ANKRD36: variants seen among roughly 807,000 people sequenced by gnomAD.
The protein encoded by ANKRD36 is ankyrin repeat domain 36.
In ANKRD36, 179 loss-of-function variants were observed where a neutral mutation model predicts 278.1. The observed-to-expected ratio is 0.64, with a 90% CI of 0.57 to 0.73. The LOEUF (loss-of-function observed/expected upper bound fraction) is 0.73. Among genes scored for constraint, ANKRD36 ranks in the 30% least tolerant of loss-of-function variants. The pLI, the probability that ANKRD36 is intolerant of heterozygous loss-of-function variation, is 0.00. For missense variants in ANKRD36, 1,159 were observed against 1,956.7 expected (o/e 0.59, Z 7.69); for synonymous variants, 320 against 641.1 (o/e 0.50, Z 7.57).
In ANKRD36 at chr2:97,154,911, AT is replaced by A. The variant is rs1225156215; in HGVS notation, c.1260+179del. On this transcript the variant is annotated intron_variant, in intron 15 of 75. Coordinates refer to ENST00000420699, the MANE Select transcript of ANKRD36 (RefSeq NM_001354587.1). ...AAAGAAATAGGGGGGGTTAATTTTA[AT>A]TTTTTTTTACTTTGCAAATAAGAAA... 4.7e-4 allele frequency among the ~76,000 whole-genome samples: 67 copies of A among 143,242 alleles called. 2 individuals carry two copies. The highest frequency in any genetic ancestry group is 1.6e-3 in the African/African-American group (63 of 40,630). 94.0% of individuals were successfully genotyped at this position (143,242 alleles called of 152,430 possible). A position where few individuals can be genotyped will look rare whatever the true frequency, so the allele number is the denominator to read the frequency against.
At chr2:97,232,194 G>A (rs1376153264) in intron 67 of ANKRD36, among the ~76,000 whole-genome samples, 1 of 151,852 alleles carries the variant, frequency 6.6e-6, no homozygotes, top group Non-Finnish European at 1.5e-5. Context: ...ATTATTTAAA[G>A]ATAAAGTTAT....
chr2:97,195,414 A>T (rs2059489949), intron 40 of ANKRD36, among the ~76,000 whole-genome samples: 1 of 151,992 alleles, frequency 6.6e-6, no homozygotes, highest in Admixed American at 6.6e-5. Context: ...AGTCATTTAT[A>T]TAATTTTGGG....
chr2:97,229,764 A>C (rs1409761041), intron 67 of ANKRD36, among the ~76,000 whole-genome samples: 1 of 152,074 alleles, frequency 6.6e-6, no homozygotes, highest in African/African-American at 2.4e-5. Context: ...ATGATTTTGC[A>C]GTGGCTGGTA....
At chr2:97,248,849 A>AGT (rs1208965011) in intron 72 of ANKRD36, 125 of 494,850 alleles carry the variant, frequency 2.5e-4, no homozygotes, top group Middle Eastern at 1.7e-3. Context: ...AGGGCCAGAT[A>AGT]GTGTTATGTA....
chr2:97,212,040 C>G (rs1291825935), intron 58 of ANKRD36, among the ~76,000 whole-genome samples: 1 of 151,796 alleles, frequency 6.6e-6, no homozygotes, highest in Non-Finnish European at 1.5e-5. Flanking sequence ...CAGCATGTTT[C>G]CATCAAGAGG....
chr2:97,168,427 A>G (rs968248838), intron 22 of ANKRD36, among the ~76,000 whole-genome samples: 6 of 152,416 alleles, frequency 3.9e-5, no homozygotes, highest in African/African-American at 1.2e-4. Context: ...CATTGCCTAC[A>G]GGTAACCAAC....
At chr2:97,127,905 G>C (rs2039041067) in intron 6 of ANKRD36, among the ~76,000 whole-genome samples, 1 of 151,964 alleles carries the variant, frequency 6.6e-6, no homozygotes, top group Admixed American at 6.6e-5. Context: ...AAGAGGCCAT[G>C]TTGATCTAGG....
intron 6 of ANKRD36, among the ~76,000 whole-genome samples, chr2:97,139,740 C>G (rs2042394637): frequency 1.3e-5 from 2 of 152,048 alleles, no homozygotes; most frequent in Non-Finnish European, 2.9e-5. Flanking sequence ...AACTGTTTCC[C>G]CCTTAAAGCA....
At chr2:97,260,742 T>C (rs1317391250) in intron 75 of ANKRD36, among the ~76,000 whole-genome samples, 1 of 110,782 alleles carries the variant, frequency 9.0e-6, no homozygotes, top group Non-Finnish European at 1.7e-5. Context: ...TCCAGTATAA[T>C]GCTGTTTTGT....
At chr2:97,170,687 A>C (rs1434509861) in intron 22 of ANKRD36, among the ~76,000 whole-genome samples, 18 of 151,832 alleles carry the variant, frequency 1.2e-4, no homozygotes, top group South Asian at 4.2e-4. Flanking sequence ...GCAACAAAAG[A>C]CAAAATTGAC....
chr2:97,220,756 A>ATTTTTTTTTTT (rs1229484526), intron 66 of ANKRD36, among the ~76,000 whole-genome samples: 2 of 66,250 alleles, frequency 3.0e-5, no homozygotes, highest in African/African-American at 1.0e-4. Context: ...TTAATTTTTA[A>ATTTTTTTTTTT]TTTTCTTTTT....
intron 50 of ANKRD36, among the ~76,000 whole-genome samples, chr2:97,205,230 A>G (rs1364848645): frequency 6.6e-6 from 1 of 151,612 alleles, no homozygotes; most frequent in African/African-American, 2.4e-5. Flanking sequence ...ATATGTCAAA[A>G]TTGATAATTG....
rs2061544800 is a variant in ANKRD36, at chr2:97,202,128, T to A, written c.2858-74T>A. The A allele has an allele frequency of 3.8e-6, 6 of 1,596,110 alleles. No individual in the cohort carries two copies. The Admixed American group carries it at 1.0e-4, about 28-fold the overall frequency. On this transcript the variant is annotated intron_variant, in intron 46 of 75. Coordinates refer to ENST00000420699, the MANE Select transcript of ANKRD36 (RefSeq NM_001354587.1). ...CAGGCAGGAGGACAGAGGTTGATTC[T>A]AACAGTGCTCGAATGTATGGAAATC...
At chr2:97,206,790 C>T (rs113963539) in intron 52 of ANKRD36, among the ~76,000 whole-genome samples, 21 of 151,514 alleles carry the variant, frequency 1.4e-4, no homozygotes, top group African/African-American at 3.6e-4. Context: ...TCATTACTCC[C>T]CTTTGTTACT....
At chr2:97,174,504 T>G (rs1411269480) in intron 22 of ANKRD36, among the ~76,000 whole-genome samples, 1 of 151,780 alleles carries the variant, frequency 6.6e-6, no homozygotes, top group Non-Finnish European at 1.5e-5. Context: ...ATGCATACAT[T>G]GGCTTTGTTT....
intron 22 of ANKRD36, among the ~76,000 whole-genome samples, chr2:97,173,465 TGAA>T (rs2053258955): frequency 6.6e-6 from 1 of 151,770 alleles, no homozygotes; most frequent in African/African-American, 2.4e-5. Context: ...GCTGCTTTTG[TGAA>T]GAAGGAATTT....
At chr2:97,130,086 A>G (rs1270717439) in intron 6 of ANKRD36, among the ~76,000 whole-genome samples, 3 of 151,996 alleles carry the variant, frequency 2.0e-5, no homozygotes, top group African/African-American at 4.8e-5. Context: ...GACAGTATTG[A>G]TACTTCCTAC....
Position 97,227,320 on chromosome 2 carries a change from TCTC to T in ANKRD36, c.3951+2444_3951+2446del, listed in dbSNP as rs1189706449. 3.3e-5 allele frequency among the ~76,000 whole-genome samples: 5 copies of T among 152,264 alleles called. No individual in the cohort carries two copies. In the South Asian group the frequency reaches 1.0e-3, roughly 32 times the overall value. On this transcript the variant is annotated intron_variant, in intron 67 of 75. Transcript: ENST00000420699. ...ATTTCCTTGAGCAGTGATTTGTAGT[TCTC>T]CTTGAAGAGGTCCTTCACATCGCTT...
intron 52 of ANKRD36, among the ~76,000 whole-genome samples, chr2:97,206,676 C>T (rs2062943870): frequency 6.6e-6 from 1 of 151,396 alleles, no homozygotes; most frequent in African/African-American, 2.4e-5. Flanking sequence ...GAACTCACTT[C>T]AGATGCATTT....
Sources: allele counts gnomAD v4.1 joint callset (sites outside exome capture counted in the v4.1 genomes callset), GRCh38; gene constraint gnomAD v4.1.1; transcripts MANE v1.5; gene names NCBI Gene and HGNC (gene_info 2026-07-23, HGNC 2026-07-21).